Variants in MEX3B observed in about 807,000 individuals in gnomAD.
MEX3B encodes RNA-binding protein MEX3B.
A neutral mutation model predicts 12.2 loss-of-function variants in MEX3B; 10 were observed. That is an observed-to-expected ratio of 0.82 (90% CI 0.51 to 1.40). The LOEUF (loss-of-function observed/expected upper bound fraction) is 1.40. MEX3B is among the 40% of genes most tolerant of loss of function. MEX3B has a pLI of 0.00. For missense variants in MEX3B, 839 were observed against 801.4 expected, an observed-to-expected ratio of 1.05 and a Z score of -0.57; for synonymous variants, 498 against 356.3, an observed-to-expected ratio of 1.40 and a Z score of -4.48.
Position 82,044,015 on chromosome 15 carries a change from G to A in MEX3B, c.855C>T (p.Arg285=), listed in dbSNP as rs762984712. ...TPGRKPFSSY[R]NDSSSSLGSA... ...TGCCAAGCGAGCTGGAGCTGTCGTT[G>A]CGGTAGCTAGAGAAAGGCTTGCGGC... The change falls in exon 2 of 2, where the codon CGC becomes CGT. Residue 285 remains arginine, a synonymous_variant. Coordinates refer to ENST00000329713, the MANE Select transcript of MEX3B (RefSeq NM_032246.6). The surrounding 1 kb of genome is among the most constrained non-coding windows in gnomAD (Gnocchi z 5.3). 1.4e-5 allele frequency: 22 copies of A among 1,608,614 alleles called. No individual in the cohort carries two copies. Among genetic ancestry groups the A allele is most frequent in the Non-Finnish European group, 1.9e-5 (22 of 1,179,864 alleles).
Position 82,044,952 on chromosome 15 carries a change from G to A in MEX3B, c.257-339C>T, listed in dbSNP as rs2141170549. On this transcript the variant is annotated intron_variant, in intron 1 of 1. Transcript: ENST00000329713. The surrounding 1 kb of genome is among the most constrained non-coding windows in gnomAD (Gnocchi z 5.3). ...GCGCGCCGTCAGCTCTGAAGACACGGGGAAGGGGCTCGGGGAAGGCAGCTG... is the reference window on the plus strand; with the variant it reads ...GCGCGCCGTCAGCTCTGAAGACACGAGGAAGGGGCTCGGGGAAGGCAGCTG... 1.7e-6 allele frequency: 1 copy of A among 578,868 alleles called. No individual in the cohort carries two copies. Among genetic ancestry groups the A allele is most frequent in the Non-Finnish European group, 3.1e-6 (1 of 325,616 alleles). The allele number at this position is 578,868 out of a possible 1,614,324, so 35.9% of individuals were successfully genotyped here. A position where few individuals can be genotyped will look rare whatever the true frequency, so the allele number is the denominator to read the frequency against.
chr15:82,045,748 G>C lies in MEX3B; in HGVS notation c.-43C>G. 1 of 1,312,710 alleles carries C rather than the reference G, an allele frequency of 7.6e-7. No individual in the cohort carries two copies. The highest frequency in any genetic ancestry group is 9.6e-7 in the Non-Finnish European group (1 of 1,038,426). The allele number at this position is 1,312,710 out of a possible 1,614,324, so 81.3% of individuals were successfully genotyped here. On this transcript the variant is annotated 5_prime_UTR_variant, in exon 1 of 2. Transcript: ENST00000329713. ...CGCGCCCCCGCCGGCCCTCGGCTCG[G>C]CGGCGAGAAGCTGCGGCCACAAAGG...
Position 82,043,895 on chromosome 15 carries a change from C to T in MEX3B, c.975G>A (p.Leu325=). 1 of 1,592,662 alleles carries T rather than the reference C, an allele frequency of 6.3e-7. No individual in the cohort carries two copies. The highest frequency in any genetic ancestry group is 8.5e-7 in the Non-Finnish European group (1 of 1,171,986). The change falls in exon 2 of 2, where the codon CTG becomes CTA. Residue 325 remains leucine (L), a synonymous_variant. Coordinates refer to ENST00000329713, the MANE Select transcript of MEX3B (RefSeq NM_032246.6). The part of the protein sequence containing the change: ...LADYSPPSPA[L]SFAHNGNNNN... ...TATTGTTTCCGTTGTGCGCAAAGCT[C>T]AGGGCGGGGCTAGGGGGGCTGTAGT...
chr15:82,045,660 C>CGCCGCT lies in MEX3B; in HGVS notation c.40_45dup (p.Ser14_Gly15dup), dbSNP rs778418609. ...CCTCCGCTGCTGCCGCCGCCGCCGC[C>CGCCGCT]GCCGCTGCCGTTGCGCTCCAGGTCT... On this transcript the variant is annotated inframe_insertion, in exon 1 of 2. Transcript: ENST00000329713. The CGCCGCT allele has an allele frequency of 1.7e-5, 27 of 1,561,798 alleles. No homozygotes were observed. The highest frequency in any genetic ancestry group is 2.2e-5 in the Non-Finnish European group (26 of 1,159,514).
At chr15:82,045,291 ACTTT>A (rs751738654) in intron 1 of MEX3B, 155 bp downstream of exon 1, 20 of 885,556 alleles carry the variant, frequency 2.3e-5, no homozygotes, top group South Asian at 4.2e-5. Context: ...GCCTGCCTGC[ACTTT>A]CTTTGTCTGG....
rs779618196 is a variant in MEX3B, at chr15:82,043,668, G to A, written c.1202C>T (p.Ser401Phe). ...PVSSSCSSSA[S>F]SSASSSSVVF... ...CACGGAGGAGGAAGAAGCAGACGAA[G>A]ATGCAGAAGAAGAGCAGGAAGAAGA... Residue 401 changes from serine (S) to phenylalanine (F), a missense_variant, in exon 2 of 2, where the codon TCT (serine) becomes TTT (phenylalanine). Physicochemically the swap from Ser to Phe is radical, Grantham distance 155. Transcript: ENST00000329713. 42 of 1,610,826 alleles carry A rather than the reference G, an allele frequency of 2.6e-5. 1 individual carries two copies. Among genetic ancestry groups the A allele is most frequent in the Non-Finnish European group, 5.9e-6 (7 of 1,178,606 alleles).
intron 1 of MEX3B, chr15:82,045,035 G>T: frequency 1.7e-6 from 1 of 592,406 alleles, no homozygotes; most frequent in Non-Finnish European, 3.0e-6. Flanking sequence ...GTGAGTCCCG[G>T]GACCCATTGT....
In MEX3B at chr15:82,045,888, T is replaced by C. The variant is rs2073255833; in HGVS notation, c.-183A>G. 1.7e-6 allele frequency: 1 copy of C among 591,926 alleles called. No homozygotes were observed. Among genetic ancestry groups the C allele is most frequent in the Non-Finnish European group, 2.5e-6 (1 of 399,704 alleles). The allele number at this position is 591,926 out of a possible 1,614,324, so 36.7% of individuals were successfully genotyped here. On this transcript the variant is annotated 5_prime_UTR_variant, in exon 1 of 2. Coordinates refer to ENST00000329713, the MANE Select transcript of MEX3B (RefSeq NM_032246.6). The stretch of plus-strand genomic sequence containing the variant: ...GCTCCGTGCGGTCCGCACCGGGCAG[T>C]GGCTGCAGGAGCCCCCACCTGGGTC...
rs1268185325 is a variant in MEX3B at position 82,045,712 on chromosome 15, G to A, written c.-7C>T. 7.5e-7 allele frequency: 1 copy of A among 1,337,590 alleles called. No individual in the cohort carries two copies. The highest frequency in any genetic ancestry group is 9.5e-7 in the Non-Finnish European group (1 of 1,052,650). 82.9% of individuals were successfully genotyped at this position (1,337,590 alleles called of 1,614,324 possible). ...CGAACAGCGAGCTGGGCATCGCTCGGCCGTGCGCGCCGCGCCCCCGCCGGC... is the reference window on the plus strand; with the variant it reads ...CGAACAGCGAGCTGGGCATCGCTCGACCGTGCGCGCCGCGCCCCCGCCGGC... On this transcript the variant is annotated 5_prime_UTR_variant, in exon 1 of 2. Coordinates refer to ENST00000329713, the MANE Select transcript of MEX3B (RefSeq NM_032246.6).
At position 82,044,098 on chromosome 15, in the gene MEX3B, C is replaced by G. The variant is rs754249266; in HGVS notation, c.772G>C (p.Gly258Arg). ...CTCCAGAGGCTGCCTGGGCCGGACCCGCCGGACCCATGATGCAGATCGAAG... is the reference window on the plus strand; with the variant it reads ...CTCCAGAGGCTGCCTGGGCCGGACCGGCCGGACCCATGATGCAGATCGAAG... ...VGFDLHHGSG[G>R]SGPGSLWSKP... The change falls in exon 2 of 2, where the codon GGG (glycine) becomes CGG (arginine). Residue 258 changes from glycine (G) to arginine (R), a missense_variant. Transcript: ENST00000329713. The surrounding 1 kb of genome is among the most constrained non-coding windows in gnomAD (Gnocchi z 5.3). 5 of 1,612,086 alleles carry G rather than the reference C, an allele frequency of 3.1e-6. No individual in the cohort carries two copies. In the East Asian group the frequency reaches 8.9e-5, roughly 29 times the overall value.
At chr15:82,045,196 G>A (rs912513048) in intron 1 of MEX3B, 3 of 627,904 alleles carry the variant, frequency 4.8e-6, no homozygotes, top group Non-Finnish European at 8.6e-6. Flanking sequence ...GAGGTGGGCT[G>A]GTTGGGGGGC....
At position 82,044,078 on chromosome 15, in the gene MEX3B, G is replaced by A. The variant is rs773883388; in HGVS notation, c.792C>T (p.Leu264=). 3.7e-6 allele frequency: 6 copies of A among 1,610,920 alleles called. No individual in the cohort carries two copies. Among genetic ancestry groups the A allele is most frequent in the South Asian group, 3.3e-5 (3 of 91,002 alleles). The change falls in exon 2 of 2, where the codon CTC becomes CTT. Residue 264 remains leucine, a synonymous_variant. Coordinates refer to ENST00000329713, the MANE Select transcript of MEX3B (RefSeq NM_032246.6). This position sits in a 1 kb window ranked among gnomAD's most constrained non-coding sequence, Gnocchi z 5.3. ...TGATGCTGGGGGTGGGCTTGCTCCA[G>A]AGGCTGCCTGGGCCGGACCCGCCGG... The part of the protein sequence containing the change: ...HGSGGSGPGS[L]WSKPTPSITP...
Position 82,043,151 on chromosome 15 carries a change from C to G in MEX3B, c.*9G>C, listed in dbSNP as rs1309295566. On this transcript the variant is annotated 3_prime_UTR_variant, in exon 2 of 2. Transcript: ENST00000329713. ...CCAGCACGGTGCGCACTAGCAGCGC[C>G]CGCTGCCTTTAAGAAAAGATGCGGA... The G allele has an allele frequency of 6.6e-7, 1 of 1,523,212 alleles. No individual in the cohort carries two copies. The highest frequency in any genetic ancestry group is 8.8e-7 in the Non-Finnish European group (1 of 1,135,140). The allele number at this position is 1,523,212 out of a possible 1,614,324, so 94.4% of individuals were successfully genotyped here.
chr15:82,043,400 C>G lies in MEX3B; in HGVS notation c.1470G>C (p.Thr490=). The change falls in exon 2 of 2, where the codon ACG becomes ACC. Residue 490 remains threonine (T), a synonymous_variant. Coordinates refer to ENST00000329713, the MANE Select transcript of MEX3B (RefSeq NM_032246.6). The part of the protein sequence containing the change: ...AQLPGLQPSD[T]SGSSSSSSSS... ...AGCTGGACGAAGAGGAGGAGCCCGACGTGTCCGACGGCTGCAAGCCAGGCA... is the reference window on the plus strand; with the variant it reads ...AGCTGGACGAAGAGGAGGAGCCCGAGGTGTCCGACGGCTGCAAGCCAGGCA... 6.3e-7 allele frequency: 1 copy of G among 1,580,816 alleles called. No individual in the cohort carries two copies. The highest frequency in any genetic ancestry group is 1.2e-5 in the South Asian group (1 of 85,704).
intron 1 of MEX3B, chr15:82,045,006 T>TG (rs531193800): frequency 3.2e-4 from 186 of 579,654 alleles, no homozygotes; most frequent in Non-Finnish European, 4.7e-4. Flanking sequence ...GCTGGTCGAC[T>TG]GGGGGTAGGG....
chr15:82,044,123 G>A lies in MEX3B; in HGVS notation c.747C>T (p.Gly249=), dbSNP rs2073240911. The A allele has an allele frequency of 2.5e-6, 4 of 1,613,346 alleles. No homozygotes were observed. The highest frequency in any genetic ancestry group is 2.7e-5 in the African/African-American group (2 of 74,932). ...NDFHANGTDV[G]FDLHHGSGGS... ...CGCCGGACCCATGATGCAGATCGAA[G>A]CCCACATCGGTGCCGTTGGCGTGGA... is the stretch of plus-strand genomic sequence containing the variant. Residue 249 remains glycine, a synonymous_variant, in exon 2 of 2, where the codon GGC becomes GGT. Transcript: ENST00000329713. This position sits in a 1 kb window ranked among gnomAD's most constrained non-coding sequence, Gnocchi z 5.3.
chr15:82,045,180 T>C, intron 1 of MEX3B: 1 of 617,258 alleles, frequency 1.6e-6, no homozygotes, highest in East Asian at 2.7e-5. Flanking sequence ...TTAAATTGTC[T>C]TTCTGGAGGT....
Position 82,045,857 on chromosome 15 carries a change from T to C in MEX3B, c.-152A>G, listed in dbSNP as rs1450003747. 1.2e-6 allele frequency: 1 copy of C among 856,312 alleles called. No individual in the cohort carries two copies. Among genetic ancestry groups the C allele is most frequent in the East Asian group, 3.5e-5 (1 of 28,294 alleles). The allele number at this position is 856,312 out of a possible 1,614,324, so 53.0% of individuals were successfully genotyped here. ...GCTTCTTCCTCGGTGCTGGGAGGAG[T>C]GGGTCGCTCCGTGCGGTCCGCACCG... On this transcript the variant is annotated 5_prime_UTR_variant, in exon 1 of 2. Transcript: ENST00000329713.
chr15:82,045,090 C>CCT (rs1330660357), intron 1 of MEX3B: 11 of 598,878 alleles, frequency 1.8e-5, no homozygotes, highest in Non-Finnish European at 3.3e-5. Flanking sequence ...CCAGAATCCT[C>CCT]CTCCCATCCT....
Sources: gnomAD v4.1 joint callset for allele counts on GRCh38, gnomAD v4.1.1 for gene constraint, Gnocchi (gnomAD v3.1) non-coding constraint, MANE v1.5 for transcripts, NCBI Gene and HGNC (gene_info 2026-07-23, HGNC 2026-07-21) for gene names.